The following POU2AF3 variants were observed in gnomAD, a reference collection of about 807,000 sequenced individuals.
POU2AF3 encodes POU class 2 homeobox associating factor 3.
the POU2AF3 span, chr11:111,307,959 G>T: frequency 9.6e-7 from 1 of 1,046,068 alleles, no homozygotes; most frequent in Non-Finnish European, 1.3e-6. Flanking sequence ...CGTTTGATTT[G>T]GTTTTTTACC....
At chr11:111,300,222 C>G in the POU2AF3 span, 23 of 320,538 alleles carry the variant, frequency 7.2e-5, no homozygotes, top group South Asian at 2.9e-3. Context: ...CTGCACTGGT[C>G]TCCATATTCC....
At chr11:111,302,964 A>T in the POU2AF3 span, among the ~76,000 whole-genome samples, 1 of 152,210 alleles carries the variant, frequency 6.6e-6, no homozygotes, top group African/African-American at 2.4e-5. Flanking sequence ...TTGTTGAAGG[A>T]TGCCTCTGGG....
At chr11:111,308,517 A>G in the POU2AF3 span, 1 of 1,344,962 alleles carries the variant, frequency 7.4e-7, no homozygotes, top group Non-Finnish European at 1.0e-6. Flanking sequence ...AAAATATGCA[A>G]CTTGGTAACA....
the POU2AF3 span, chr11:111,305,077 C>A: frequency 1.5e-6 from 1 of 689,388 alleles, no homozygotes; most frequent in Non-Finnish European, 2.0e-6. Context: ...AAGATAGGCA[C>A]CACCATTTAA....
chr11:111,305,560 A>G, the POU2AF3 span, among the ~76,000 whole-genome samples: 2 of 152,212 alleles, frequency 1.3e-5, no homozygotes, highest in Non-Finnish European at 2.9e-5. Flanking sequence ...TCCCCACTAA[A>G]TGTGTCACCG....
At chr11:111,305,024 CA>C in the POU2AF3 span, 9 of 1,171,134 alleles carry the variant, frequency 7.7e-6, no homozygotes, top group Non-Finnish European at 8.6e-6. Flanking sequence ...AACACTCTTT[CA>C]AAAGTCCATC....
the POU2AF3 span, chr11:111,304,765 T>A: frequency 2.5e-6 from 1 of 398,918 alleles, no homozygotes; most frequent in Non-Finnish European, 4.4e-6. Flanking sequence ...TGTACAAAAA[T>A]TTGTCAAACA....
chr11:111,300,741 C>T, the POU2AF3 span: 3 of 416,110 alleles, frequency 7.2e-6, no homozygotes, highest in Non-Finnish European at 7.9e-6. Flanking sequence ...CCTGGCCTTC[C>T]TCTGCTGTTC....
the POU2AF3 span, among the ~76,000 whole-genome samples, chr11:111,307,310 G>A: frequency 1.3e-5 from 2 of 152,086 alleles, no homozygotes; most frequent in Admixed American, 1.3e-4. Flanking sequence ...TCACAGGTTT[G>A]TTTTGTAAAC....
At chr11:111,303,472 C>T in the POU2AF3 span, among the ~76,000 whole-genome samples, 60 of 152,170 alleles carry the variant, frequency 3.9e-4, 1 homozygote, top group African/African-American at 1.3e-3. Flanking sequence ...GAACCCATGA[C>T]TAGAAAGATA....
chr11:111,303,247 G>A, the POU2AF3 span, among the ~76,000 whole-genome samples: 2 of 141,580 alleles, frequency 1.4e-5, no homozygotes, highest in African/African-American at 4.9e-5. Flanking sequence ...GCGCATGCAC[G>A]CACACACACA....
chr11:111,298,936 G>A, the POU2AF3 span: 1 of 1,050,304 alleles, frequency 9.5e-7, no homozygotes, highest in African/African-American at 1.7e-5. Flanking sequence ...AGTGAGCCTG[G>A]GACGGGGGCA....
chr11:111,299,981 A>T, the POU2AF3 span: 1 of 398,590 alleles, frequency 2.5e-6, no homozygotes. Context: ...AAGGGCACGC[A>T]GAGGTCGGAG....
chr11:111,299,321 G>C, the POU2AF3 span: 1 of 987,988 alleles, frequency 1.0e-6, no homozygotes, highest in Non-Finnish European at 1.2e-6. Context: ...TTCCCGGCGC[G>C]ATTCCTGGAC....
the POU2AF3 span, among the ~76,000 whole-genome samples, chr11:111,302,936 G>T: frequency 6.6e-6 from 1 of 152,158 alleles, no homozygotes; most frequent in African/African-American, 2.4e-5. Flanking sequence ...TAACAGAGAT[G>T]ATCCCCAGTT....
the POU2AF3 span, among the ~76,000 whole-genome samples, chr11:111,305,834 T>C: frequency 6.6e-6 from 1 of 152,218 alleles, no homozygotes; most frequent in African/African-American, 2.4e-5. Flanking sequence ...CCAATAGTGT[T>C]AATTGGTACT....
At chr11:111,304,914 T>C in the POU2AF3 span, 3 of 1,231,556 alleles carry the variant, frequency 2.4e-6, no homozygotes, top group Non-Finnish European at 3.0e-6. Context: ...ACGGTGATAT[T>C]CTTGCTTTGA....
chr11:111,298,842 C>CCCCCAAA, the POU2AF3 span: 1 of 1,184,730 alleles, frequency 8.4e-7, no homozygotes, highest in Non-Finnish European at 1.0e-6. Context: ...GCCCGCCCTC[C>CCCCCAAA]CACGTATCCA....
chr11:111,299,758 G>C, the POU2AF3 span: 1 of 1,222,214 alleles, frequency 8.2e-7, no homozygotes, highest in African/African-American at 1.6e-5. Flanking sequence ...GAGAGTAGGA[G>C]CGGGGGCGAA....
Sources: gnomAD v4.1 joint callset for allele counts (sites outside exome capture counted in the v4.1 genomes callset) on GRCh38, gnomAD v4.1.1 for gene constraint, MANE v1.5 for transcripts, NCBI Gene and HGNC (gene_info 2026-07-23, HGNC 2026-07-21) for gene names.